Variants in SAMD5 observed in about 807,000 individuals in gnomAD.
SAMD5 encodes the protein sterile alpha motif domain containing 5, also known as sterile alpha motif domain-containing protein 5.
A neutral mutation model predicts 11.3 loss-of-function variants in SAMD5; 13 were observed. The observed-to-expected ratio is 1.15, with a 90% CI of 0.75 to 1.83. SAMD5 has a LOEUF of 1.83. Ranked by LOEUF, SAMD5 falls within the 40% of genes most tolerant of loss-of-function variation. The pLI, the probability that SAMD5 is intolerant of heterozygous loss-of-function variation, is 0.00. For missense variants in SAMD5, 255 were observed against 239.1 expected (o/e 1.07, Z -0.44); for synonymous variants, 129 against 111.3 (o/e 1.16, Z -1.00).
chr6:147,573,998 G>T (rs901224003), downstream of SAMD5, among the ~76,000 whole-genome samples: 1 of 151,974 alleles, frequency 6.6e-6, no homozygotes, highest in African/African-American at 2.4e-5. Context: ...CGTGGTGGCA[G>T]GCACCTGTAG....
At chr6:147,717,382 C>T (rs569724496) in intron 1 of SAMD5, among the ~76,000 whole-genome samples, 10 of 152,110 alleles carry the variant, frequency 6.6e-5, no homozygotes, top group African/African-American at 1.9e-4. Flanking sequence ...TTCATGGATC[C>T]GTAAAATCCA....
At chr6:147,796,160 G>T in the SAMD5 span, among the ~76,000 whole-genome samples, 7 of 150,530 alleles carry the variant, frequency 4.7e-5, no homozygotes, top group South Asian at 1.3e-3. Flanking sequence ...GTCCTGAATG[G>T]TAATGCCTAG....
In SAMD5 at chr6:147,623,919, GAGTGC is replaced by G. The variant is rs527285261; in HGVS notation, c.163-113393_163-113389del. Among the ~76,000 whole-genome samples the G allele has an allele frequency of 8.6e-5, 13 of 151,750 alleles. No homozygotes were observed. The South Asian group carries it at 2.7e-3, about 32-fold the overall frequency. ...GAATCTTGCTCTGTCGCCCAGGCTC[GAGTGC>G]AGTGGTGCCATCTCTGCTCACTGCA... is the stretch of plus-strand genomic sequence containing the variant. On this transcript the variant is annotated intron_variant, in intron 1 of 1. Coordinates refer to the SAMD5 transcript ENST00000566741.
At chr6:147,598,670 C>T (rs1789571725) in intron 1 of SAMD5, among the ~76,000 whole-genome samples, 1 of 152,188 alleles carries the variant, frequency 6.6e-6, no homozygotes, top group Non-Finnish European at 1.5e-5. Context: ...TTTCTGGAAT[C>T]CAGCCCTTGA....
At chr6:147,900,082 A>G in the SAMD5 span, among the ~76,000 whole-genome samples, 1 of 152,160 alleles carries the variant, frequency 6.6e-6, no homozygotes, top group African/African-American at 2.4e-5. Flanking sequence ...AGTCTCCATG[A>G]AGTCTTGAAG....
At chr6:147,879,280 G>C in the SAMD5 span, among the ~76,000 whole-genome samples, 1 of 152,198 alleles carries the variant, frequency 6.6e-6, no homozygotes, top group South Asian at 2.1e-4. Context: ...TCCATGAAAT[G>C]GCTCAGCCAG....
At chr6:147,738,044 A>C (rs1791830106), downstream of SAMD5, among the ~76,000 whole-genome samples, 1 of 152,158 alleles carries the variant, frequency 6.6e-6, no homozygotes, top group Non-Finnish European at 1.5e-5. Context: ...GAGACCAAAA[A>C]CATGAGAAGC....
chr6:147,639,233 C>G (rs1041512815), intron 1 of SAMD5, among the ~76,000 whole-genome samples: 1 of 152,008 alleles, frequency 6.6e-6, no homozygotes, highest in African/African-American at 2.4e-5. Flanking sequence ...AAGCAGAATA[C>G]TATAATTGTA....
intron 1 of SAMD5, among the ~76,000 whole-genome samples, chr6:147,677,905 T>G (rs1228292351): frequency 6.6e-6 from 1 of 152,160 alleles, no homozygotes; most frequent in African/African-American, 2.4e-5. Context: ...AGTGTCATCT[T>G]ATATTACCCT....
At chr6:147,897,859 C>A in the SAMD5 span, among the ~76,000 whole-genome samples, 3 of 145,422 alleles carry the variant, frequency 2.1e-5, no homozygotes, top group Non-Finnish European at 4.5e-5. Flanking sequence ...GCAGGAGAAT[C>A]ACTTGAAGCC....
At chr6:147,582,335 CAAA>C (rs55846175) in intron 1 of SAMD5, among the ~76,000 whole-genome samples, 13 of 147,086 alleles carry the variant, frequency 8.8e-5, no homozygotes, top group South Asian at 2.2e-4. Flanking sequence ...ACCCCCCCAC[CAAA>C]AAAAAAAAAG....
the SAMD5 span, among the ~76,000 whole-genome samples, chr6:147,761,492 T>C: frequency 6.6e-6 from 1 of 152,232 alleles, no homozygotes; most frequent in Middle Eastern, 3.4e-3. Flanking sequence ...TTTTCAGTAC[T>C]GTATAGAAGT....
the SAMD5 span, among the ~76,000 whole-genome samples, chr6:147,851,123 T>C: frequency 6.6e-6 from 1 of 151,982 alleles, no homozygotes; most frequent in East Asian, 1.9e-4. Context: ...TTTGTATTTT[T>C]AGTAGAGATG....
the SAMD5 span, among the ~76,000 whole-genome samples, chr6:147,907,045 C>G: frequency 2.6e-5 from 4 of 152,298 alleles, no homozygotes; most frequent in South Asian, 2.1e-4. Flanking sequence ...CTTCCTTTTG[C>G]CTCAACACTG....
intron 1 of SAMD5, among the ~76,000 whole-genome samples, chr6:147,552,811 A>C (rs941383210): frequency 6.6e-6 from 1 of 152,224 alleles, no homozygotes; most frequent in Admixed American, 6.5e-5. Flanking sequence ...TATGGTAGTT[A>C]TGTTCTGTAG....
chr6:147,540,949 T>G (rs1788593825), intron 1 of SAMD5, among the ~76,000 whole-genome samples: 1 of 141,652 alleles, frequency 7.1e-6, no homozygotes, highest in African/African-American at 2.6e-5. Context: ...TTTTTTTTTT[T>G]TTTTTTTTTT....
downstream of SAMD5, among the ~76,000 whole-genome samples, chr6:147,738,619 G>T (rs1410129562): frequency 6.6e-6 from 1 of 152,114 alleles, no homozygotes; most frequent in Non-Finnish European, 1.5e-5. Context: ...CATAGCAGAG[G>T]GTGGAGTAAT....
At chr6:147,791,685 A>G in the SAMD5 span, among the ~76,000 whole-genome samples, 1 of 152,174 alleles carries the variant, frequency 6.6e-6, no homozygotes, top group Non-Finnish European at 1.5e-5. Flanking sequence ...GTGTAAATAA[A>G]TATCCTTAAT....
At chr6:147,729,778 TG>T (rs1164060414) in intron 1 of SAMD5, 1 of 456,924 alleles carries the variant, frequency 2.2e-6, no homozygotes, top group African/African-American at 2.0e-5. Flanking sequence ...GTGATGTGCC[TG>T]ATGTGTTCAA....
Sources: allele counts gnomAD v4.1 joint callset (sites outside exome capture counted in the v4.1 genomes callset), GRCh38; gene constraint gnomAD v4.1.1; transcripts MANE v1.5; gene names NCBI Gene and HGNC (gene_info 2026-07-23, HGNC 2026-07-21).